Variants in MFN1 observed in about 807,000 individuals in gnomAD.
The protein encoded by MFN1 is mitofusin 1.
Under a neutral mutation model 92.4 loss-of-function variants are expected in MFN1, and 65 were observed. The observed-to-expected ratio is 0.70, with a 90% CI of 0.58 to 0.86. The LOEUF (loss-of-function observed/expected upper bound fraction) is 0.86, where lower values mean the gene tolerates loss of function less well. MFN1 is among the 40% of genes least tolerant of loss of function. The pLI is 0.00. For missense variants in MFN1, 781 were observed against 868.0 expected (o/e 0.90, Z 1.26); for synonymous variants, 297 against 300.9 (o/e 0.99, Z 0.13).
In MFN1 at chr3:179,367,474, C is replaced by G; in HGVS notation, c.789C>G (p.Phe263Leu). 1 of 1,612,760 alleles carries G rather than the reference C, an allele frequency of 6.2e-7. No homozygotes were observed. The highest frequency in any genetic ancestry group is 1.1e-5 in the South Asian group (1 of 91,008). The change falls in exon 8 of 18, where the codon TTC (phenylalanine) becomes TTG (leucine). Residue 263 changes from phenylalanine to leucine, a missense_variant. Coordinates refer to ENST00000471841, the MANE Select transcript of MFN1 (RefSeq NM_033540.3). ...AGCACATGGAAAGATGCCTGCATTT[C>G]TTGGTGGAGGAGCTCAAAGTTGTAA... is the stretch of plus-strand genomic sequence containing the variant. ...RRQHMERCLH[F>L]LVEELKVVNA... is the part of the protein sequence containing the mutation.
At chr3:179,356,022 A>G (rs975064100) in intron 3 of MFN1, among the ~76,000 whole-genome samples, 1 of 145,686 alleles carries the variant, frequency 6.9e-6, no homozygotes, top group Admixed American at 7.0e-5. Flanking sequence ...AAAAAGAAAT[A>G]TATTTGATCT....
At chr3:179,349,250 C>T (rs190142003) in intron 2 of MFN1, among the ~76,000 whole-genome samples, 9 of 152,296 alleles carry the variant, frequency 5.9e-5, no homozygotes, top group African/African-American at 2.2e-4. Context: ...CACCATCTGT[C>T]ATTTTAAAGA....
In MFN1 at chr3:179,348,971, C is replaced by T. The variant is rs1323208499; in HGVS notation, c.112+8C>T. The T allele has an allele frequency of 1.3e-6, 2 of 1,572,840 alleles. No homozygotes were observed. Among genetic ancestry groups the T allele is most frequent in the African/African-American group, 1.4e-5 (1 of 73,422 alleles). ...GATCACATTTTGTTGAAGGTTAGTTCTTCTTAAGTTTTTAAAGTAATTACT... is the reference window on the plus strand; with the variant it reads ...GATCACATTTTGTTGAAGGTTAGTTTTTCTTAAGTTTTTAAAGTAATTACT... On this transcript the variant is annotated splice_region_variant and intron_variant, in intron 2 of 17. Transcript: ENST00000471841.
intron 7 of MFN1, 89 bp from the exon 8 acceptor site, chr3:179,367,350 C>A: frequency 9.2e-7 from 1 of 1,091,360 alleles, no homozygotes; most frequent in Non-Finnish European, 1.3e-6. Flanking sequence ...TATTATATCA[C>A]TGTGAATAAA....
intron 9 of MFN1, among the ~76,000 whole-genome samples, chr3:179,374,301 A>AAATATATATATAACATATATATGT (rs1713135463): frequency 1.1e-5 from 1 of 93,250 alleles, no homozygotes; most frequent in Admixed American, 1.3e-4. Flanking sequence ...AGACTGTCAA[A>AAATATATATATAACATATATATGT]AATATATATA....
At chr3:179,388,695 ATAG>A (rs1402131861) in intron 16 of MFN1, among the ~76,000 whole-genome samples, 1 of 152,234 alleles carries the variant, frequency 6.6e-6, no homozygotes, top group African/African-American at 2.4e-5. Context: ...ATCATGAAGG[ATAG>A]TAGATCAATA....
intron 17 of MFN1, 51 bp downstream of exon 17, chr3:179,390,189 A>G: frequency 7.4e-7 from 1 of 1,349,572 alleles, no homozygotes; most frequent in Non-Finnish European, 9.8e-7. Flanking sequence ...GTCTCATTAC[A>G]AAATATGTAA....
rs1025668660 is a variant in MFN1, at chr3:179,352,114, C to G, written c.248+79C>G. ...TGATGTTTCAACAAGTAATATTTCT[C>G]CCATCCTCCCCCAGCCCCGCAAGTT... On this transcript the variant is annotated intron_variant, in intron 3 of 17. Transcript: ENST00000471841. 8.6e-5 allele frequency: 120 copies of G among 1,392,926 alleles called. 1 individual carries two copies. The highest frequency in any genetic ancestry group is 1.1e-4 in the Non-Finnish European group (110 of 1,026,058). The allele number at this position is 1,392,926 out of a possible 1,614,324, so 86.3% of individuals were successfully genotyped here.
chr3:179,382,599 G>A (rs1383023387), intron 14 of MFN1, among the ~76,000 whole-genome samples: 1 of 152,164 alleles, frequency 6.6e-6, no homozygotes, highest in Non-Finnish European at 1.5e-5. Flanking sequence ...TAATGGGATG[G>A]CTGGGTCAGA....
At chr3:179,354,276 G>A (rs1712264294) in intron 3 of MFN1, among the ~76,000 whole-genome samples, 1 of 152,228 alleles carries the variant, frequency 6.6e-6, no homozygotes, top group Admixed American at 6.5e-5. Flanking sequence ...GGAGACCACA[G>A]TGTGTTTGGA....
chr3:179,385,434 A>G (rs1392587977), intron 14 of MFN1, 135 bp from the exon 15 acceptor site: 1 of 627,102 alleles, frequency 1.6e-6, no homozygotes, highest in African/African-American at 1.9e-5. Flanking sequence ...TATTTTCTAC[A>G]TATATTTGTG....
In MFN1 at chr3:179,368,029, G is replaced by A. The variant is rs367554874; in HGVS notation, c.908-7G>A. 1.8e-5 allele frequency: 27 copies of A among 1,525,746 alleles called. No individual in the cohort carries two copies. The highest frequency in any genetic ancestry group is 2.3e-5 in the Non-Finnish European group (26 of 1,132,612). 94.5% of individuals were successfully genotyped at this position (1,525,746 alleles called of 1,614,324 possible). A position where few individuals can be genotyped will look rare whatever the true frequency, so the allele number is the denominator to read the frequency against. ...TAGGTTTTTAAATCTTTGCCTGTAC[G>A]TTACAGGTGTGGCACTTGCTGAAGG... On this transcript the variant is annotated splice_region_variant and splice_polypyrimidine_tract_variant and intron_variant, in intron 8 of 17. Coordinates refer to ENST00000471841, the MANE Select transcript of MFN1 (RefSeq NM_033540.3).
At chr3:179,378,881 A>G (rs1713360193) in intron 14 of MFN1, 67 bp downstream of exon 14, 1 of 1,225,262 alleles carries the variant, frequency 8.2e-7, no homozygotes. Flanking sequence ...TTTTTCTATA[A>G]TAAAACTAGC....
intron 9 of MFN1, among the ~76,000 whole-genome samples, chr3:179,370,634 TCTC>T (rs763311507): frequency 3.3e-5 from 5 of 152,032 alleles, no homozygotes; most frequent in Non-Finnish European, 7.4e-5. Flanking sequence ...ATGGTCTCGA[TCTC>T]CTGACCTCAT....
intron 9 of MFN1, 53 bp from the exon 10 acceptor site, chr3:179,375,167 G>A: frequency 1.3e-6 from 2 of 1,490,306 alleles, no homozygotes; most frequent in South Asian, 1.4e-5. Context: ...TTAAATTCCT[G>A]AAAATGTTGC....
chr3:179,378,265 T>C (rs1057315556), intron 12 of MFN1, 76 bp from the exon 13 acceptor site: 2 of 1,112,698 alleles, frequency 1.8e-6, no homozygotes, highest in Non-Finnish European at 2.6e-6. Context: ...TGGCATTTAC[T>C]GAATATTTTA....
intron 5 of MFN1, among the ~76,000 whole-genome samples, chr3:179,363,263 T>G (rs1712654177): frequency 6.6e-6 from 1 of 152,144 alleles, no homozygotes. Context: ...CTTTGTATTT[T>G]TTGGTAGAGA....
At chr3:179,364,607 G>A (rs1348008768) in intron 6 of MFN1, among the ~76,000 whole-genome samples, 1 of 152,154 alleles carries the variant, frequency 6.6e-6, no homozygotes, top group African/African-American at 2.4e-5. Context: ...GATTTCTCTA[G>A]CAGTATAGGG....
intron 5 of MFN1, among the ~76,000 whole-genome samples, chr3:179,363,576 C>A (rs1712667493): frequency 6.6e-6 from 1 of 151,596 alleles, no homozygotes; most frequent in East Asian, 1.9e-4. Context: ...ATTGCAAACT[C>A]CGCTTCCCAG....
Sources: allele counts gnomAD v4.1 joint callset (sites outside exome capture counted in the v4.1 genomes callset), GRCh38; gene constraint gnomAD v4.1.1; transcripts MANE v1.5; gene names NCBI Gene and HGNC (gene_info 2026-07-23, HGNC 2026-07-21).